HCRTR2: variants seen among roughly 807,000 people sequenced by gnomAD.
HCRTR2 encodes the protein orexin receptor type 2.
HCRTR2 carries 22 observed loss-of-function variants against 49.0 expected under a neutral mutation model. The ratio of observed to expected loss-of-function variants is 0.45; its 90% CI spans 0.32 to 0.64. The LOEUF is 0.64. Ranked by LOEUF, HCRTR2 falls within the 30% of genes least tolerant of loss-of-function variation. The probability of loss-of-function intolerance (pLI) is 0.04; values close to 1 mark genes in which losing one functional copy is unlikely to be tolerated. For missense variants in HCRTR2, 491 were observed against 559.4 expected (o/e 0.88, Z 1.23); for synonymous variants, 236 against 205.3 (o/e 1.15, Z -1.28).
chr6:55,282,624 C>T (rs553254625), downstream of HCRTR2: 24 of 598,012 alleles, frequency 4.0e-5, no homozygotes, highest in East Asian at 5.8e-4. Context: ...AAAATGATTT[C>T]TCAACTTTTG....
At chr6:55,156,950 A>C (rs1452418071) in intron 1 of HCRTR2, among the ~76,000 whole-genome samples, 1 of 152,178 alleles carries the variant, frequency 6.6e-6, no homozygotes, top group African/African-American at 2.4e-5. Context: ...TGGAAGACTG[A>C]AATCTCTGAA....
intron 1 of HCRTR2, among the ~76,000 whole-genome samples, chr6:55,135,989 T>C (rs998514985): frequency 1.3e-5 from 2 of 152,202 alleles, no homozygotes; most frequent in African/African-American, 4.8e-5. Flanking sequence ...AGAACATTAA[T>C]TGCATGCCTG....
At chr6:55,277,647 G>A (rs779146057) in intron 5 of HCRTR2, 47 bp downstream of exon 5, 2 of 1,296,434 alleles carry the variant, frequency 1.5e-6, no homozygotes, top group East Asian at 2.4e-5. Flanking sequence ...GCCTTTTCTT[G>A]ATTCTTAATT....
intron 1 of HCRTR2, among the ~76,000 whole-genome samples, chr6:55,190,466 T>C (rs1254917256): frequency 6.6e-6 from 1 of 152,156 alleles, no homozygotes; most frequent in Non-Finnish European, 1.5e-5. Context: ...CTAAATTTGA[T>C]ATAGTACAGG....
At chr6:55,110,822 A>G (rs1764038868) in intron 1 of HCRTR2, among the ~76,000 whole-genome samples, 1 of 147,710 alleles carries the variant, frequency 6.8e-6, no homozygotes, top group East Asian at 2.1e-4. Flanking sequence ...GGTCATAAAG[A>G]TGGAAAGTCA....
intron 1 of HCRTR2, among the ~76,000 whole-genome samples, chr6:55,144,963 C>T (rs182850602): frequency 1.2e-3 from 178 of 152,248 alleles, no homozygotes; most frequent in African/African-American, 4.1e-3. Flanking sequence ...ACTGTCTTTT[C>T]TTCCCATTTT....
chr6:55,279,178 T>C (rs1363391565), intron 5 of HCRTR2, among the ~76,000 whole-genome samples: 1 of 152,152 alleles, frequency 6.6e-6, no homozygotes, highest in East Asian at 1.9e-4. Context: ...AAATTGTTTT[T>C]CTTGTTACCA....
At chr6:55,205,323 A>C (rs1054929700) in intron 1 of HCRTR2, among the ~76,000 whole-genome samples, 4 of 152,188 alleles carry the variant, frequency 2.6e-5, no homozygotes, top group Admixed American at 2.0e-4. Flanking sequence ...ATAAATTTTG[A>C]AAAGACAAGA....
chr6:55,247,087 T>A (rs1766459461), intron 1 of HCRTR2, among the ~76,000 whole-genome samples: 1 of 152,040 alleles, frequency 6.6e-6, no homozygotes, highest in Admixed American at 6.6e-5. Flanking sequence ...TTGCCAATTT[T>A]CTCATAACAA....
chr6:55,106,979 C>G (rs1763983444), intron 1 of HCRTR2, among the ~76,000 whole-genome samples: 1 of 152,066 alleles, frequency 6.6e-6, no homozygotes, highest in South Asian at 2.1e-4. Flanking sequence ...CATGAAAGCA[C>G]CTTCTAGTGT....
intron 1 of HCRTR2, among the ~76,000 whole-genome samples, chr6:55,202,010 G>A (rs942023046): frequency 4.6e-5 from 7 of 152,190 alleles, no homozygotes; most frequent in Non-Finnish European, 1.0e-4. Context: ...AGAAGCTATA[G>A]ATACAATAAT....
At chr6:55,263,360 AC>A (rs1164549517) in intron 3 of HCRTR2, among the ~76,000 whole-genome samples, 3 of 152,084 alleles carry the variant, frequency 2.0e-5, no homozygotes, top group Non-Finnish European at 4.4e-5. Flanking sequence ...GTTTAGAACA[AC>A]CCAAATTAAT....
chr6:55,174,528 G>C lies in HCRTR2; in HGVS notation c.-60G>C. 1 of 1,375,674 alleles carries C rather than the reference G, an allele frequency of 7.3e-7. No individual in the cohort carries two copies. The highest frequency in any genetic ancestry group is 1.0e-6 in the Non-Finnish European group (1 of 962,972). The allele number at this position is 1,375,674 out of a possible 1,614,324, so 85.2% of individuals were successfully genotyped here. On this transcript the variant is annotated 5_prime_UTR_variant, in exon 1 of 7. Coordinates refer to ENST00000370862, the MANE Select transcript of HCRTR2 (RefSeq NM_001384272.1). ...GCCTTTCCCACCGCAAATCACCAGT[G>C]CTCATGGGGCAGGCGGAGAGGAGCT...
At chr6:55,180,106 A>G (rs775646686) in intron 1 of HCRTR2, among the ~76,000 whole-genome samples, 21 of 152,230 alleles carry the variant, frequency 1.4e-4, no homozygotes, top group Admixed American at 1.2e-3. Context: ...GCCAGGTACT[A>G]TATGTCAGGC....
chr6:55,231,400 C>A (rs1033331180), intron 1 of HCRTR2, among the ~76,000 whole-genome samples: 2 of 152,094 alleles, frequency 1.3e-5, no homozygotes, highest in African/African-American at 4.8e-5. Context: ...CTGCATTATT[C>A]TCTTTGTTTC....
chr6:55,204,015 A>G (rs534918494), intron 1 of HCRTR2, among the ~76,000 whole-genome samples: 2 of 152,286 alleles, frequency 1.3e-5, no homozygotes, highest in South Asian at 2.1e-4. Flanking sequence ...CAGATCTTAT[A>G]TTGATCTTAC....
intron 1 of HCRTR2, among the ~76,000 whole-genome samples, chr6:55,126,711 G>A (rs1561979844): frequency 3.7e-5 from 3 of 80,200 alleles, no homozygotes; most frequent in African/African-American, 1.0e-4. Context: ...CTGTCCCAGG[G>A]AGATGGCGTT....
chr6:55,232,022 C>T (rs1438568560), intron 1 of HCRTR2, among the ~76,000 whole-genome samples: 1 of 152,124 alleles, frequency 6.6e-6, no homozygotes, highest in Admixed American at 6.5e-5. Flanking sequence ...TGTGTCCTAA[C>T]CCACTTTCCT....
chr6:55,109,417 G>C (rs567542036), intron 1 of HCRTR2, among the ~76,000 whole-genome samples: 1 of 151,980 alleles, frequency 6.6e-6, no homozygotes, highest in Non-Finnish European at 1.5e-5. Flanking sequence ...CAATTTTTAA[G>C]CTACTCAAGG....
Sources: gnomAD v4.1 joint callset for allele counts (sites outside exome capture counted in the v4.1 genomes callset) on GRCh38, gnomAD v4.1.1 for gene constraint, MANE v1.5 for transcripts, NCBI Gene and HGNC (gene_info 2026-07-23, HGNC 2026-07-21) for gene names.